Variants in PPP1R1C observed in about 807,000 individuals in gnomAD.
PPP1R1C encodes protein phosphatase 1 regulatory subunit 1C.
In PPP1R1C, 15 loss-of-function variants were observed where a neutral mutation model predicts 17.4. The observed-to-expected ratio is 0.86, with a 90% confidence interval of 0.58 to 1.33. The LOEUF (loss-of-function observed/expected upper bound fraction) is 1.33. Ranked by LOEUF, PPP1R1C falls within the 40% of genes most tolerant of loss-of-function variation. The pLI, the probability that PPP1R1C is intolerant of heterozygous loss-of-function variation, is 0.00. For synonymous variants in PPP1R1C, 35 were observed against 43.1 expected (o/e 0.81, Z 0.73); for missense variants, 143 against 130.0 (o/e 1.10, Z -0.48).
intron 2 of PPP1R1C, among the ~76,000 whole-genome samples, chr2:182,012,795 A>G (rs948738782): frequency 3.3e-5 from 5 of 152,016 alleles, no homozygotes; most frequent in Admixed American, 1.3e-4. Flanking sequence ...GATTATCATG[A>G]GGCTTGCCAA....
At chr2:182,035,767 G>A (rs1686985680) in intron 2 of PPP1R1C, among the ~76,000 whole-genome samples, 1 of 152,126 alleles carries the variant, frequency 6.6e-6, no homozygotes, top group South Asian at 2.1e-4. Flanking sequence ...CTCCTGTGCA[G>A]CCTATGGAAC....
At chr2:182,063,585 T>C in intron 3 of PPP1R1C, 146 bp from the exon 4 acceptor site, 1 of 672,650 alleles carries the variant, frequency 1.5e-6, no homozygotes, top group South Asian at 1.8e-5. Flanking sequence ...GTATATAATT[T>C]CTCATTAATT....
At chr2:182,099,972 C>A (rs756668827) in intron 4 of PPP1R1C, among the ~76,000 whole-genome samples, 1 of 144,142 alleles carries the variant, frequency 6.9e-6, no homozygotes, top group Admixed American at 7.0e-5. Flanking sequence ...CATAGGGAGA[C>A]GATTAGAGAC....
At chr2:182,082,579 CT>C (rs1184395936) in intron 4 of PPP1R1C, among the ~76,000 whole-genome samples, 1 of 152,114 alleles carries the variant, frequency 6.6e-6, no homozygotes, top group African/African-American at 2.4e-5. Flanking sequence ...GTTTACTGCC[CT>C]GCCTTCGCTG....
intron 2 of PPP1R1C, among the ~76,000 whole-genome samples, chr2:182,029,068 G>C (rs1326625948): frequency 6.9e-6 from 1 of 144,264 alleles, no homozygotes; most frequent in Non-Finnish European, 1.5e-5. Context: ...TGGCTTGGTA[G>C]ATCTTCCTCC....
chr2:182,074,593 T>C (rs1688239181), intron 4 of PPP1R1C, among the ~76,000 whole-genome samples: 1 of 152,198 alleles, frequency 6.6e-6, no homozygotes, highest in African/African-American at 2.4e-5. Flanking sequence ...AAATTGGTTC[T>C]TAGTGGGGCA....
downstream of PPP1R1C, among the ~76,000 whole-genome samples, chr2:182,119,426 T>C (rs2125239277): frequency 6.6e-6 from 1 of 152,308 alleles, no homozygotes; most frequent in East Asian, 1.9e-4. Flanking sequence ...TACCCAGTAA[T>C]GGGATGGCTG....
intron 2 of PPP1R1C, among the ~76,000 whole-genome samples, chr2:182,003,289 T>A (rs1685825900): frequency 6.6e-6 from 1 of 152,168 alleles, no homozygotes; most frequent in Non-Finnish European, 1.5e-5. Flanking sequence ...TTTCTTAGTC[T>A]GAAGAAATAC....
chr2:182,007,094 C>G (rs184370170), intron 2 of PPP1R1C, among the ~76,000 whole-genome samples: 2 of 152,254 alleles, frequency 1.3e-5, no homozygotes, highest in East Asian at 3.9e-4. Context: ...CTGCCATGAT[C>G]TAGCTAGATA....
At chr2:181,955,185 A>C (rs547708493) in intron 1 of PPP1R1C, among the ~76,000 whole-genome samples, 1 of 152,264 alleles carries the variant, frequency 6.6e-6, no homozygotes, top group African/African-American at 2.4e-5. Context: ...CTTCTGAGTC[A>C]CAACAAATAC....
At chr2:182,087,436 C>T (rs1574441143) in intron 4 of PPP1R1C, among the ~76,000 whole-genome samples, 2 of 152,316 alleles carry the variant, frequency 1.3e-5, no homozygotes, top group Middle Eastern at 6.8e-3. Context: ...TCTATATTTT[C>T]CCATGCTGCT....
intron 1 of PPP1R1C, among the ~76,000 whole-genome samples, chr2:181,966,811 C>T (rs1684912819): frequency 6.6e-6 from 1 of 152,124 alleles, no homozygotes; most frequent in South Asian, 2.1e-4. Context: ...GGTAATAATA[C>T]TTGCCTCATA....
intron 2 of PPP1R1C, among the ~76,000 whole-genome samples, chr2:182,008,779 G>A (rs1456945321): frequency 2.6e-5 from 4 of 151,942 alleles, no homozygotes; most frequent in Non-Finnish European, 5.9e-5. Flanking sequence ...TTCATTCTCC[G>A]TTTAGTCCCC....
intron 4 of PPP1R1C, among the ~76,000 whole-genome samples, chr2:182,076,959 A>T (rs939746792): frequency 1.3e-5 from 2 of 152,216 alleles, no homozygotes; most frequent in African/African-American, 2.4e-5. Flanking sequence ...TAATGGAATT[A>T]GTTTTTCTTT....
intron 2 of PPP1R1C, among the ~76,000 whole-genome samples, chr2:181,996,138 T>G (rs1323212041): frequency 6.6e-6 from 1 of 152,184 alleles, no homozygotes; most frequent in Non-Finnish European, 1.5e-5. Context: ...CTCCCTAAAT[T>G]AGTTTCCATA....
intron 2 of PPP1R1C, among the ~76,000 whole-genome samples, chr2:182,028,058 T>A (rs1218427475): frequency 1.5e-5 from 2 of 132,342 alleles, no homozygotes; most frequent in Admixed American, 1.6e-4. Context: ...GGTGGTGATA[T>A]CCCCTTTATC....
chr2:181,989,515 A>G (rs1401647656), intron 2 of PPP1R1C, among the ~76,000 whole-genome samples: 4 of 152,222 alleles, frequency 2.6e-5, no homozygotes, highest in Non-Finnish European at 4.4e-5. Context: ...TGAAGGCTTT[A>G]TAATGTGACT....
At chr2:182,021,629 A>G (rs571652640) in intron 2 of PPP1R1C, among the ~76,000 whole-genome samples, 1 of 152,250 alleles carries the variant, frequency 6.6e-6, no homozygotes, top group Non-Finnish European at 1.5e-5. Context: ...CCAGCCAAAA[A>G]AAATGGTTAT....
chr2:182,047,027 T>C (rs575551461), intron 2 of PPP1R1C, among the ~76,000 whole-genome samples: 2 of 152,338 alleles, frequency 1.3e-5, no homozygotes, highest in African/African-American at 4.8e-5. Flanking sequence ...GGTAAGCAGC[T>C]AATTCTATTC....
Sources: gnomAD v4.1 joint callset for allele counts (sites outside exome capture counted in the v4.1 genomes callset) on GRCh38, gnomAD v4.1.1 for gene constraint, MANE v1.5 for transcripts, NCBI Gene and HGNC (gene_info 2026-07-23, HGNC 2026-07-21) for gene names.